The following DCDC2 variants were observed in gnomAD, a reference collection of about 807,000 sequenced individuals.
DCDC2 encodes the protein doublecortin domain-containing protein 2.
A neutral mutation model predicts 50.2 loss-of-function variants in DCDC2; 40 were observed. The ratio of observed to expected loss-of-function variants is 0.80; its 90% CI spans 0.62 to 1.04. DCDC2 has a LOEUF of 1.04. DCDC2 is among the 50% of genes least tolerant of loss of function. DCDC2 has a pLI of 0.00. For missense variants in DCDC2, 570 were observed against 581.9 expected (o/e 0.98, Z 0.21); for synonymous variants, 234 against 210.6 (o/e 1.11, Z -0.96).
intron 7 of DCDC2, among the ~76,000 whole-genome samples, chr6:24,214,932 G>A (rs145533407): frequency 1.3e-5 from 2 of 152,074 alleles, no homozygotes; most frequent in African/African-American, 4.8e-5. Context: ...ATTATGCAAT[G>A]TTTACTGAGC....
rs557673090 is a variant in DCDC2, at chr6:24,302,486, C to A, written c.349-442G>T. Among the ~76,000 whole-genome samples the A allele has an allele frequency of 1.4e-4, 21 of 152,090 alleles. No individual in the cohort carries two copies. In the East Asian group the frequency reaches 3.9e-3, roughly 28 times the overall value. On this transcript the variant is annotated intron_variant, in intron 2 of 9. Transcript: ENST00000378454. The stretch of plus-strand genomic sequence containing the variant: ...ATGCACCTGCTTTCTGATCCTTGGC[C>A]CCCACCAAGTGCCTGACCCCACCCT...
chr6:24,376,308 G>T, the DCDC2 span, among the ~76,000 whole-genome samples: 3 of 152,206 alleles, frequency 2.0e-5, no homozygotes, highest in African/African-American at 7.2e-5. Context: ...GAAGAGGGAG[G>T]GGGAGGTGAG....
chr6:24,381,116 T>G, the DCDC2 span, among the ~76,000 whole-genome samples: 1 of 151,314 alleles, frequency 6.6e-6, no homozygotes, highest in Non-Finnish European at 1.5e-5. Context: ...AAAAACACGT[T>G]AAAAAATTGT....
intron 7 of DCDC2, among the ~76,000 whole-genome samples, chr6:24,216,342 T>C (rs1484617489): frequency 6.8e-6 from 1 of 146,398 alleles, no homozygotes; most frequent in Non-Finnish European, 1.5e-5. Flanking sequence ...AAAAAAAGAG[T>C]AGGCTGTCAA....
At chr6:24,273,056 T>C (rs1050844756) in intron 7 of DCDC2, among the ~76,000 whole-genome samples, 4 of 85,844 alleles carry the variant, frequency 4.7e-5, no homozygotes, top group Non-Finnish European at 7.8e-5. Context: ...TGTATATAGA[T>C]GTAGATATAC....
intron 9 of DCDC2, among the ~76,000 whole-genome samples, chr6:24,176,350 C>T (rs1760911793): frequency 6.6e-6 from 1 of 151,896 alleles, no homozygotes; most frequent in South Asian, 2.1e-4. Context: ...ACAAACTAGG[C>T]ACTTCCTTAT....
At chr6:24,239,403 C>T (rs1185358907) in intron 7 of DCDC2, among the ~76,000 whole-genome samples, 1 of 152,164 alleles carries the variant, frequency 6.6e-6, no homozygotes, top group Non-Finnish European at 1.5e-5. Flanking sequence ...AGCCTCTTCT[C>T]ATTTTACTTT....
chr6:24,301,873 A>G (rs745600394), intron 3 of DCDC2, 27 bp from the exon 4 acceptor site: 5 of 1,614,074 alleles, frequency 3.1e-6, no homozygotes, highest in Non-Finnish European at 4.2e-6. Flanking sequence ...AAACCTTCTG[A>G]AACAGTTATG....
chr6:24,310,253 T>C (rs1759548484), intron 2 of DCDC2, among the ~76,000 whole-genome samples: 1 of 152,162 alleles, frequency 6.6e-6, no homozygotes, highest in Non-Finnish European at 1.5e-5. Context: ...TTGTGCTCTT[T>C]TGGATGTAAG....
intron 7 of DCDC2, among the ~76,000 whole-genome samples, chr6:24,208,193 C>T (rs1231109009): frequency 2.0e-5 from 3 of 152,088 alleles, no homozygotes; most frequent in Non-Finnish European, 4.4e-5. Context: ...TCACCCTATG[C>T]CTTCCATGTC....
chr6:24,249,599 T>G (rs1323986825), intron 7 of DCDC2, among the ~76,000 whole-genome samples: 1 of 152,222 alleles, frequency 6.6e-6, no homozygotes, highest in Non-Finnish European at 1.5e-5. Context: ...GTGTATTTTA[T>G]CTAAGCCTAA....
chr6:24,360,017 C>T (rs1333275280), upstream of DCDC2, among the ~76,000 whole-genome samples: 1 of 152,154 alleles, frequency 6.6e-6, no homozygotes. Context: ...CGCGCGGGGG[C>T]GGGGCGGTGC....
chr6:24,353,915 C>G (rs376925092), intron 1 of DCDC2, among the ~76,000 whole-genome samples: 7 of 152,302 alleles, frequency 4.6e-5, no homozygotes, highest in African/African-American at 7.2e-5. Flanking sequence ...ACTATATACA[C>G]TATATTCTTA....
rs551229958 is a variant in DCDC2 at position 24,171,909 on chromosome 6, G to T, written c.*2821C>A. The T allele has an allele frequency of 7.9e-5, 12 of 152,154 alleles. No homozygotes were observed. The highest frequency in any genetic ancestry group is 2.7e-4 in the African/African-American group (11 of 41,424). The allele number at this position is 152,154 out of a possible 1,614,324, so 9.4% of individuals were successfully genotyped here. A position where few individuals can be genotyped will look rare whatever the true frequency, so the allele number is the denominator to read the frequency against. On this transcript the variant is annotated 3_prime_UTR_variant, in exon 10 of 10. Transcript: ENST00000378454. ...AAAACTATGTATATAGCATCACAAA[G>T]AATTAACATATTAAAGCATTATATT...
chr6:24,378,903 G>A, the DCDC2 span, among the ~76,000 whole-genome samples: 1 of 142,044 alleles, frequency 7.0e-6, no homozygotes, highest in Non-Finnish European at 1.5e-5. Context: ...AGTGAGCTAT[G>A]AGTGTGCCAC....
intron 4 of DCDC2, among the ~76,000 whole-genome samples, chr6:24,292,767 G>T (rs1479393290): frequency 6.6e-6 from 1 of 152,186 alleles, no homozygotes; most frequent in Non-Finnish European, 1.5e-5. Context: ...ATAATTCTTT[G>T]CTGGAAAGGT....
rs984887975 is a variant in DCDC2, at chr6:24,357,329, A to G, written c.293+129T>C. On this transcript the variant is annotated intron_variant, in intron 1 of 9. Coordinates refer to ENST00000378454, the MANE Select transcript of DCDC2 (RefSeq NM_016356.5). Reference sequence around the variant, plus strand: ...AACTGCAACGAGAGTTTTGAGGGGCATCAATCACACCGAGAAGTCACAGCC... The same window carrying G: ...AACTGCAACGAGAGTTTTGAGGGGCGTCAATCACACCGAGAAGTCACAGCC... 5.4e-6 allele frequency: 6 copies of G among 1,108,996 alleles called. No individual in the cohort carries two copies. In the East Asian group the frequency reaches 1.0e-4, roughly 19 times the overall value. 68.7% of individuals were successfully genotyped at this position (1,108,996 alleles called of 1,614,324 possible). A position where few individuals can be genotyped will look rare whatever the true frequency, so the allele number is the denominator to read the frequency against.
At chr6:24,189,645 C>A (rs868514521) in intron 8 of DCDC2, among the ~76,000 whole-genome samples, 1 of 152,142 alleles carries the variant, frequency 6.6e-6, no homozygotes, top group African/African-American at 2.4e-5. Flanking sequence ...AATAACAGCA[C>A]AAATTAGAAT....
chr6:24,380,801 T>C, the DCDC2 span, among the ~76,000 whole-genome samples: 3 of 152,146 alleles, frequency 2.0e-5, no homozygotes, highest in Admixed American at 2.0e-4. Flanking sequence ...AATTGACAAA[T>C]AAAAATTGTA....
Sources: gnomAD v4.1 joint callset for allele counts (sites outside exome capture counted in the v4.1 genomes callset) on GRCh38, gnomAD v4.1.1 for gene constraint, MANE v1.5 for transcripts, NCBI Gene and HGNC (gene_info 2026-07-23, HGNC 2026-07-21) for gene names.